Variants in EREG observed in about 807,000 individuals in gnomAD.
The protein encoded by EREG is proepiregulin.
EREG carries 23 observed loss-of-function variants against 22.4 expected under a neutral mutation model. The ratio of observed to expected loss-of-function variants is 1.03; its 90% CI spans 0.74 to 1.46. The LOEUF (loss-of-function observed/expected upper bound fraction) is 1.46. Ranked by LOEUF, EREG falls within the 40% of genes most tolerant of loss-of-function variation. The pLI, the probability that EREG is intolerant of heterozygous loss-of-function variation, is 0.00. For synonymous variants in EREG, 100 were observed against 75.4 expected (o/e 1.33, Z -1.69); for missense variants, 226 against 205.9 (o/e 1.10, Z -0.60).
rs1329681354 is a variant in EREG at position 74,387,904 on chromosome 4, T to C, written c.*3096T>C. 1 of 152,208 alleles carries C rather than the reference T, an allele frequency of 6.6e-6. No homozygotes were observed. Among genetic ancestry groups the C allele is most frequent in the Non-Finnish European group, 1.5e-5 (1 of 68,026 alleles). 9.4% of individuals were successfully genotyped at this position (152,208 alleles called of 1,614,324 possible). A position where few individuals can be genotyped will look rare whatever the true frequency, so the allele number is the denominator to read the frequency against. Reference sequence around the variant, plus strand: ...AAGGTTTAACCTTAAAATTAAGATTTCCTTAACCTTAACCTTAAAATTGAT... The same window carrying C: ...AAGGTTTAACCTTAAAATTAAGATTCCCTTAACCTTAACCTTAAAATTGAT... On this transcript the variant is annotated 3_prime_UTR_variant, in exon 5 of 5. Coordinates refer to ENST00000244869, the MANE Select transcript of EREG (RefSeq NM_001432.3).
chr4:74,383,778 T>C (rs752384934), intron 4 of EREG, among the ~76,000 whole-genome samples: 11 of 152,164 alleles, frequency 7.2e-5, no homozygotes, highest in Non-Finnish European at 1.5e-4. Flanking sequence ...ATTCTAAGTA[T>C]CCATCAAATA....
rs1752558482 is a variant in EREG at position 74,385,737 on chromosome 4, A to T, written c.*929A>T. The T allele has an allele frequency of 2.6e-6, 1 of 379,208 alleles. No homozygotes were observed. The highest frequency in any genetic ancestry group is 3.7e-5 in the East Asian group (1 of 27,186). 23.5% of individuals were successfully genotyped at this position (379,208 alleles called of 1,614,324 possible). A position where few individuals can be genotyped will look rare whatever the true frequency, so the allele number is the denominator to read the frequency against. On this transcript the variant is annotated 3_prime_UTR_variant, in exon 5 of 5. Coordinates refer to ENST00000244869, the MANE Select transcript of EREG (RefSeq NM_001432.3). ...TAAATCACAGCCCAAAATTTGATGG[A>T]CTAATTATTATTTTAAAATATATGA...
chr4:74,365,295 C>T lies in EREG; in HGVS notation c.-14C>T, dbSNP rs201666232. ...CCGCCCTCCGCCAAGCCCCAGCGCCCGCTCCCATCGCCGATGACCGCGGGG... is the reference window on the plus strand; with the variant it reads ...CCGCCCTCCGCCAAGCCCCAGCGCCTGCTCCCATCGCCGATGACCGCGGGG... On this transcript the variant is annotated 5_prime_UTR_variant, in exon 1 of 5. Transcript: ENST00000244869. The T allele has an allele frequency of 7.8e-4, 1,252 of 1,600,516 alleles. 1 individual carries two copies. Among genetic ancestry groups the T allele is most frequent in the Non-Finnish European group, 9.7e-4 (1,138 of 1,178,836 alleles).
intron 1 of EREG, among the ~76,000 whole-genome samples, chr4:74,366,053 C>CTGCACTTGCTGCTAAT (rs1752175156): frequency 6.6e-6 from 1 of 152,108 alleles, no homozygotes; most frequent in African/African-American, 2.4e-5. Context: ...AGCAAGCGTT[C>CTGCACTTGCTGCTAAT]TGCACTTGCT....
intron 1 of EREG, among the ~76,000 whole-genome samples, chr4:74,370,328 T>C (rs941493737): frequency 1.3e-5 from 2 of 152,234 alleles, no homozygotes; most frequent in Non-Finnish European, 2.9e-5. Flanking sequence ...GATAGGCTTA[T>C]ATTAAACACA....
At chr4:74,365,460 C>T (rs552793962) in intron 1 of EREG, 85 bp downstream of exon 1, 2 of 1,108,104 alleles carry the variant, frequency 1.8e-6, no homozygotes, top group South Asian at 1.3e-5. Flanking sequence ...TCGACAAGTA[C>T]GGAGTTGTCT....
rs1020712584 is a variant in EREG at position 74,388,100 on chromosome 4, A to G, written c.*3292A>G. 2.0e-5 allele frequency: 3 copies of G among 152,214 alleles called. No individual in the cohort carries two copies. Among genetic ancestry groups the G allele is most frequent in the African/African-American group, 7.2e-5 (3 of 41,462 alleles). 9.4% of individuals were successfully genotyped at this position (152,214 alleles called of 1,614,324 possible). ...TTTGAGACTAAATTCAATCACCACC[A>G]GGTATCAAATCAACTTTTATGCAGC... On this transcript the variant is annotated 3_prime_UTR_variant, in exon 5 of 5. Coordinates refer to ENST00000244869, the MANE Select transcript of EREG (RefSeq NM_001432.3).
chr4:74,372,974 A>ATTTTT (rs35483998), intron 1 of EREG, among the ~76,000 whole-genome samples: 6 of 63,146 alleles, frequency 9.5e-5, no homozygotes, highest in African/African-American at 4.0e-4. Flanking sequence ...CATCTGGCTA[A>ATTTTT]TTTTTTTTTT....
chr4:74,366,920 G>T (rs1239056633), intron 1 of EREG, among the ~76,000 whole-genome samples: 3 of 152,126 alleles, frequency 2.0e-5, no homozygotes, highest in Non-Finnish European at 4.4e-5. Flanking sequence ...GAAAGTTCCT[G>T]TTTCAAGTTC....
Position 74,387,474 on chromosome 4 carries a change from ATCTT to A in EREG, c.*2668_*2671del, listed in dbSNP as rs1012419321. On this transcript the variant is annotated 3_prime_UTR_variant, in exon 5 of 5. Transcript: ENST00000244869. The stretch of plus-strand genomic sequence containing the variant: ...AAAACAAGTCATTTTTGTATTTTTC[ATCTT>A]TAAGAATGCTTAAAAAAGCTAATCC... 2.6e-5 allele frequency: 4 copies of A among 152,228 alleles called. No homozygotes were observed. The highest frequency in any genetic ancestry group is 9.6e-5 in the African/African-American group (4 of 41,456). The allele number at this position is 152,228 out of a possible 1,614,324, so 9.4% of individuals were successfully genotyped here.
In EREG at chr4:74,384,889, G is replaced by C; in HGVS notation, c.*81G>C. ...TTCCCATTTTATTAATAATATTTAT[G>C]TTGGGTCAAGTGTTAGGTCAATAAC... is the stretch of plus-strand genomic sequence containing the variant. On this transcript the variant is annotated 3_prime_UTR_variant, in exon 5 of 5. Coordinates refer to ENST00000244869, the MANE Select transcript of EREG (RefSeq NM_001432.3). The C allele has an allele frequency of 5.1e-6, 4 of 791,126 alleles. No homozygotes were observed. Among genetic ancestry groups the C allele is most frequent in the Non-Finnish European group, 6.3e-6 (3 of 472,812 alleles). 49.0% of individuals were successfully genotyped at this position (791,126 alleles called of 1,614,324 possible).
chr4:74,379,489 C>G lies in EREG; in HGVS notation c.109C>G (p.Pro37Ala). 1 of 1,612,564 alleles carries G rather than the reference C, an allele frequency of 6.2e-7. No individual in the cohort carries two copies. The highest frequency in any genetic ancestry group is 8.5e-7 in the Non-Finnish European group (1 of 1,178,668). ...LQAVLSTTVI[P>A]SCIPGESSDN... ...GGCAGTCCTCAGTACAACTGTGATT[C>G]CATCATGTATCCCAGGAGAGTCCAG... Residue 37 changes from proline (P) to alanine (A), a missense_variant, in exon 2 of 5, where the codon CCA becomes GCA. Physicochemically the swap from Pro to Ala is conservative, Grantham distance 27. Coordinates refer to ENST00000244869, the MANE Select transcript of EREG (RefSeq NM_001432.3).
chr4:74,371,332 T>G (rs560616491), intron 1 of EREG, among the ~76,000 whole-genome samples: 1 of 152,284 alleles, frequency 6.6e-6, no homozygotes, highest in Admixed American at 6.5e-5. Context: ...GTTTAAAAAA[T>G]CAGCTTGGCA....
chr4:74,365,543 G>A (rs1752162732), intron 1 of EREG, among the ~76,000 whole-genome samples, 168 bp downstream of exon 1: 1 of 150,746 alleles, frequency 6.6e-6, no homozygotes, highest in Middle Eastern at 3.2e-3. Context: ...GTGGGACTGG[G>A]GTGGGGGGGA....
chr4:74,380,337 T>C (rs545677077), intron 2 of EREG, among the ~76,000 whole-genome samples: 21 of 152,228 alleles, frequency 1.4e-4, no homozygotes, highest in African/African-American at 4.3e-4. Flanking sequence ...TTAAAAGTAA[T>C]TTTATAAGCA....
At chr4:74,383,665 T>C (rs574262823) in intron 4 of EREG, among the ~76,000 whole-genome samples, 14 of 152,160 alleles carry the variant, frequency 9.2e-5, no homozygotes, top group Non-Finnish European at 1.9e-4. Context: ...TTACTCAAGG[T>C]GAATTTACGT....
At chr4:74,365,588 A>C (rs1752164519) in intron 1 of EREG, among the ~76,000 whole-genome samples, 1 of 151,878 alleles carries the variant, frequency 6.6e-6, no homozygotes, top group Admixed American at 6.6e-5. Context: ...TTTATTGGTG[A>C]ATTAATTATT....
chr4:74,376,913 C>T (rs892963403), intron 1 of EREG, among the ~76,000 whole-genome samples: 9 of 151,950 alleles, frequency 5.9e-5, no homozygotes, highest in Admixed American at 2.6e-4. Flanking sequence ...ATGCTGATGC[C>T]GATGTGTAAT....
At chr4:74,369,499 CT>C (rs1752254792) in intron 1 of EREG, among the ~76,000 whole-genome samples, 1 of 152,128 alleles carries the variant, frequency 6.6e-6, no homozygotes, top group South Asian at 2.1e-4. Context: ...ATCCAATTTG[CT>C]GCGAAAGACA....
Sources: gnomAD v4.1 joint callset for allele counts (sites outside exome capture counted in the v4.1 genomes callset) on GRCh38, gnomAD v4.1.1 for gene constraint, MANE v1.5 for transcripts, NCBI Gene and HGNC (gene_info 2026-07-23, HGNC 2026-07-21) for gene names.